The following HGSNAT variants were observed in gnomAD, a reference collection of about 807,000 sequenced individuals.
HGSNAT encodes the protein heparan-alpha-glucosaminide N-acetyltransferase, also known as transmembrane protein 76.
HGSNAT carries 59 observed loss-of-function variants against 85.2 expected under a neutral mutation model. The observed-to-expected ratio is 0.69, with a 90% CI of 0.56 to 0.86. The LOEUF (loss-of-function observed/expected upper bound fraction) is 0.86. Among genes scored for constraint, HGSNAT ranks in the 40% least tolerant of loss-of-function variants. HGSNAT has a pLI of 0.00. For synonymous variants in HGSNAT, 321 were observed against 304.5 expected, an observed-to-expected ratio of 1.05 and a Z score of -0.56; for missense variants, 756 against 777.1, an observed-to-expected ratio of 0.97 and a Z score of 0.32.
intron 1 of HGSNAT, among the ~76,000 whole-genome samples, chr8:43,145,580 G>A (rs745474646): frequency 3.3e-5 from 5 of 152,014 alleles, no homozygotes; most frequent in Non-Finnish European, 7.4e-5. Flanking sequence ...GTGAAACCCC[G>A]TCACTACTAA....
rs371569367 is a variant in HGSNAT, at chr8:43,178,167, A to G, written c.945A>G (p.Ala315=). 54 of 1,602,500 alleles carry G rather than the reference A, an allele frequency of 3.4e-5. No individual in the cohort carries two copies. The highest frequency in any genetic ancestry group is 4.2e-5 in the Non-Finnish European group (49 of 1,175,864). The change falls in exon 10 of 18, where the codon GCA becomes GCG. Residue 315 remains alanine (A), a synonymous_variant. Coordinates refer to ENST00000379644, the MANE Select transcript of HGSNAT (RefSeq NM_152419.3). The stretch of plus-strand genomic sequence containing the variant: ...AATTCAGATTGCTGGGGAAGATTGC[A>G]TGGAGGAGTTTCCTGTTAATCTGCA... The part of the protein sequence containing the change: ...CSKFRLLGKI[A]WRSFLLICIG...
intron 2 of HGSNAT, 88 bp from the exon 3 acceptor site, chr8:43,158,487 G>A: frequency 7.4e-7 from 1 of 1,354,194 alleles, no homozygotes; most frequent in Non-Finnish European, 1.0e-6. Flanking sequence ...AGTCATGTCA[G>A]GATCTCCAGT....
At chr8:43,179,224 G>A (rs1803935052) in intron 10 of HGSNAT, among the ~76,000 whole-genome samples, 1 of 151,534 alleles carries the variant, frequency 6.6e-6, no homozygotes, top group Non-Finnish European at 1.5e-5. Context: ...GGATGGGGCG[G>A]CTGGCCGGGC....
intron 2 of HGSNAT, among the ~76,000 whole-genome samples, chr8:43,155,875 C>T (rs1377558008): frequency 4.6e-5 from 7 of 151,292 alleles, no homozygotes; most frequent in Non-Finnish European, 8.8e-5. Flanking sequence ...GAGTTGTGCT[C>T]TTTTTGCCCA....
intron 13 of HGSNAT, 147 bp downstream of exon 13, chr8:43,192,577 G>A: frequency 2.3e-6 from 2 of 887,804 alleles, no homozygotes; most frequent in Non-Finnish European, 3.3e-6. Context: ...CTAACTTAAT[G>A]ACTTTAGGGA....
Position 43,191,472 on chromosome 8 carries a change from A to T in HGSNAT, c.1129-2A>T, listed in dbSNP as rs749568919. The T allele has an allele frequency of 4.3e-6, 7 of 1,612,582 alleles. No individual in the cohort carries two copies. Among genetic ancestry groups the T allele is most frequent in the Non-Finnish European group, 5.9e-6 (7 of 1,178,810 alleles). Reference sequence around the variant, plus strand: ...GTGTTTTATTTTTCTGCCCCCACTCAGGAGAGGAGCTGCCTTTCTCTTCGA... The same window carrying T: ...GTGTTTTATTTTTCTGCCCCCACTCTGGAGAGGAGCTGCCTTTCTCTTCGA... On this transcript the variant is annotated splice_acceptor_variant, in intron 11 of 17. Transcript: ENST00000379644. LOFTEE classifies it high-confidence loss of function.
intron 11 of HGSNAT, among the ~76,000 whole-genome samples, chr8:43,185,043 T>C (rs1180911864): frequency 6.6e-6 from 1 of 152,206 alleles, no homozygotes; most frequent in Non-Finnish European, 1.5e-5. Flanking sequence ...ACTGTAGCCT[T>C]GTAGTATAGT....
In HGSNAT at chr8:43,184,853, A is replaced by T. The variant is rs186145276; in HGVS notation, c.1128+2593A>T. Among the ~76,000 whole-genome samples the T allele has an allele frequency of 4.5e-3, 690 of 152,306 alleles. 1 individual carries two copies. Among genetic ancestry groups the T allele is most frequent in the Non-Finnish European group, 7.6e-3 (515 of 68,028 alleles). On this transcript the variant is annotated intron_variant, in intron 11 of 17. Transcript: ENST00000379644. ...GCGATTCAGTTTCAGCTTTCTACAT[A>T]TGGCTAGCTAGTTTTCCCAGCACCA...
intron 11 of HGSNAT, among the ~76,000 whole-genome samples, chr8:43,184,661 C>T (rs1303336485): frequency 1.3e-5 from 2 of 152,088 alleles, no homozygotes; most frequent in African/African-American, 4.8e-5. Context: ...TTTGTCAATT[C>T]TGGCTTTTGT....
intron 11 of HGSNAT, among the ~76,000 whole-genome samples, chr8:43,187,617 TAATTG>T (rs1029409319): frequency 6.6e-6 from 1 of 152,256 alleles, no homozygotes; most frequent in Non-Finnish European, 1.5e-5. Context: ...CTGTGTCTTT[TAATTG>T]GAGCATTTAG....
At chr8:43,179,496 A>ACC (rs1279524848) in intron 10 of HGSNAT, among the ~76,000 whole-genome samples, 1 of 43,268 alleles carries the variant, frequency 2.3e-5, no homozygotes, top group African/African-American at 1.0e-4. Context: ...AGGGGGGCTG[A>ACC]CCCCCCCCAC....
rs115490019 is a variant in HGSNAT at position 43,157,371 on chromosome 8, G to T, written c.235-1204G>T. Among the ~76,000 whole-genome samples, 342 of 152,152 alleles carry T rather than the reference G, an allele frequency of 2.2e-3. 4 individuals carry two copies. The highest frequency in any genetic ancestry group is 7.8e-3 in the African/African-American group (324 of 41,518). On this transcript the variant is annotated intron_variant, in intron 2 of 17. Coordinates refer to ENST00000379644, the MANE Select transcript of HGSNAT (RefSeq NM_152419.3). ...AGAAATAAATATATTGCTTTAATTTGATTTATTTAACTAATATTTGGTCAT... is the reference window on the plus strand; with the variant it reads ...AGAAATAAATATATTGCTTTAATTTTATTTATTTAACTAATATTTGGTCAT...
At chr8:43,164,733 G>T (rs1803378186) in intron 5 of HGSNAT, among the ~76,000 whole-genome samples, 2 of 152,194 alleles carry the variant, frequency 1.3e-5, no homozygotes, top group Non-Finnish European at 2.9e-5. Context: ...AGTGAGCCGA[G>T]ATCGCGCTAC....
At position 43,140,633 on chromosome 8, in the gene HGSNAT, C is replaced by A; in HGVS notation, c.118+19C>A. 8.6e-7 allele frequency: 1 copy of A among 1,163,330 alleles called. No homozygotes were observed. The highest frequency in any genetic ancestry group is 1.1e-6 in the Non-Finnish European group (1 of 918,632). 72.1% of individuals were successfully genotyped at this position (1,163,330 alleles called of 1,614,324 possible). On this transcript the variant is annotated intron_variant, in intron 1 of 17. Coordinates refer to ENST00000379644, the MANE Select transcript of HGSNAT (RefSeq NM_152419.3). ...CCACGAGGTGAGTGCACACCTCCTACCGCCGCCCGGCCGGCTACGAGCGCA... is the reference window on the plus strand; with the variant it reads ...CCACGAGGTGAGTGCACACCTCCTAACGCCGCCCGGCCGGCTACGAGCGCA...
chr8:43,197,209 A>G (rs191535085), intron 15 of HGSNAT, 184 bp downstream of exon 15: 68 of 604,234 alleles, frequency 1.1e-4, no homozygotes, highest in Admixed American at 8.0e-4. Flanking sequence ...TTATTTTCTT[A>G]GGAAAATGTC....
At chr8:43,190,704 T>C (rs901564041) in intron 11 of HGSNAT, among the ~76,000 whole-genome samples, 1 of 152,228 alleles carries the variant, frequency 6.6e-6, no homozygotes, top group Non-Finnish European at 1.5e-5. Flanking sequence ...AAAGTTTGAA[T>C]TTCGTTAGTT....
In HGSNAT at chr8:43,140,631, T is replaced by G; in HGVS notation, c.118+17T>G. ...CGCCACGAGGTGAGTGCACACCTCC[T>G]ACCGCCGCCCGGCCGGCTACGAGCG... On this transcript the variant is annotated intron_variant, in intron 1 of 17. Transcript: ENST00000379644. 8.5e-7 allele frequency: 1 copy of G among 1,179,192 alleles called. No individual in the cohort carries two copies. The highest frequency in any genetic ancestry group is 3.9e-5 in the East Asian group (1 of 25,524). 73.0% of individuals were successfully genotyped at this position (1,179,192 alleles called of 1,614,324 possible). A position where few individuals can be genotyped will look rare whatever the true frequency, so the allele number is the denominator to read the frequency against.
At chr8:43,169,064 A>G (rs1803524915) in intron 5 of HGSNAT, 109 bp from the exon 6 acceptor site, 1 of 521,762 alleles carries the variant, frequency 1.9e-6, no homozygotes, top group South Asian at 4.4e-5. Flanking sequence ...ATGTTTAATT[A>G]CTTAGTAATA....
chr8:43,161,333 C>A, intron 4 of HGSNAT, 105 bp from the exon 5 acceptor site: 1 of 834,082 alleles, frequency 1.2e-6, no homozygotes, highest in Non-Finnish European at 2.0e-6. Context: ...AGAATATAGG[C>A]TTCCCCTCAC....
Sources: gnomAD v4.1 joint callset for allele counts (sites outside exome capture counted in the v4.1 genomes callset) on GRCh38, gnomAD v4.1.1 for gene constraint, MANE v1.5 for transcripts, NCBI Gene and HGNC (gene_info 2026-07-23, HGNC 2026-07-21) for gene names.